The following AXIN1 variants were observed in gnomAD, a reference collection of about 807,000 sequenced individuals.
AXIN1 encodes axin 1, also known as axin-1.
In AXIN1, 30 loss-of-function variants were observed where a neutral mutation model predicts 76.4. That is an observed-to-expected ratio of 0.39 (90% CI 0.29 to 0.53). AXIN1 has a LOEUF of 0.53. AXIN1 is among the 20% of genes least tolerant of loss of function. AXIN1 has a pLI of 0.66. For missense variants in AXIN1, 1,140 were observed against 1,198.8 expected (o/e 0.95, Z 0.72); for synonymous variants, 545 against 501.4 (o/e 1.09, Z -1.16).
chr16:326,519 C>T (rs577613887), intron 2 of AXIN1, among the ~76,000 whole-genome samples: 80 of 150,702 alleles, frequency 5.3e-4, no homozygotes, highest in Admixed American at 3.3e-4. Flanking sequence ...GAGGCCAAGG[C>T]GGGCGGATCA....
intron 2 of AXIN1, among the ~76,000 whole-genome samples, chr16:318,482 C>T (rs76432475): frequency 0.024 from 3,633 of 152,288 alleles, 139 homozygotes; most frequent in African/African-American, 0.084. Context: ...AGGATCTGCC[C>T]TCAGCACTCA....
At chr16:289,079 C>CT (rs1242070094) in intron 10 of AXIN1, among the ~76,000 whole-genome samples, 2,186 of 137,538 alleles carry the variant, frequency 0.016, 68 homozygotes, top group African/African-American at 0.058. Context: ...AGCCCTTTTT[C>CT]TTCTTTTTTT....
rs544557159 is a variant in AXIN1 at position 293,636 on chromosome 16, G to A, written c.2038C>T (p.Arg680Trp). ...LEHPWAGPQL[R>W]TSVQPSHLFI... Reference sequence around the variant, plus strand: ...AGGTGGGAGGGCTGCACGGAGGTCCGGAGCTGAGGGCCGGCCCAGGGGTGC... The same window carrying A: ...AGGTGGGAGGGCTGCACGGAGGTCCAGAGCTGAGGGCCGGCCCAGGGGTGC... Residue 680 changes from arginine to tryptophan, a missense_variant, in exon 8 of 11, where the codon CGG (arginine) becomes TGG (tryptophan). Physicochemically the swap from Arg to Trp is moderately radical, Grantham distance 101. This residue lies in a region of AXIN1 where 429 missense variants were observed against 405.8 expected (regional missense o/e 1.06). Transcript: ENST00000262320. The surrounding 1 kb of genome is among the most constrained non-coding windows in gnomAD (Gnocchi z 4.6). 8.0e-5 allele frequency: 129 copies of A among 1,613,532 alleles called. 3 individuals carry two copies. The South Asian group carries it at 1.3e-3, about 16-fold the overall frequency.
At chr16:320,743 A>ATATATATATATTTTT (rs397722732) in intron 2 of AXIN1, among the ~76,000 whole-genome samples, 37 of 107,628 alleles carry the variant, frequency 3.4e-4, no homozygotes, top group African/African-American at 1.5e-3. Flanking sequence ...ATATATATAT[A>ATATATATATATTTTT]TTTTTTTTTT....
At chr16:289,291 G>C (rs379056) in intron 10 of AXIN1, 149 bp downstream of exon 10, 366,699 of 978,564 alleles carry the variant, frequency 0.37, 73,057 homozygotes, top group African/African-American at 0.65. Flanking sequence ...GTCTCGAACT[G>C]CTGAGCTGAG....
rs2052616972 is a variant in AXIN1, at chr16:293,222, C to A, written c.2186+266G>T. On this transcript the variant is annotated intron_variant, in intron 8 of 10. Coordinates refer to ENST00000262320, the MANE Select transcript of AXIN1 (RefSeq NM_003502.4). This position sits in a 1 kb window ranked among gnomAD's most constrained non-coding sequence, Gnocchi z 4.6. ...CTGCAGCCTCCCTGCAGACTGGGCTCAGGTTGAGGAGGGACCCCGCCTCCA... is the reference window on the plus strand; with the variant it reads ...CTGCAGCCTCCCTGCAGACTGGGCTAAGGTTGAGGAGGGACCCCGCCTCCA... 1.8e-6 allele frequency: 1 copy of A among 541,900 alleles called. No individual in the cohort carries two copies. Among genetic ancestry groups the A allele is most frequent in the Non-Finnish European group, 3.3e-6 (1 of 301,662 alleles). 33.6% of individuals were successfully genotyped at this position (541,900 alleles called of 1,614,324 possible).
intron 3 of AXIN1, among the ~76,000 whole-genome samples, chr16:310,625 C>T (rs1375646025): frequency 6.6e-6 from 1 of 152,234 alleles, no homozygotes; most frequent in Non-Finnish European, 1.5e-5. Context: ...TCTCGATCTC[C>T]TGACCTCGTG....
At chr16:350,649 C>G (rs541722675) in intron 1 of AXIN1, among the ~76,000 whole-genome samples, 1 of 152,324 alleles carries the variant, frequency 6.6e-6, no homozygotes. Context: ...CTTGAAGGTT[C>G]AGGGCTACTA....
At chr16:298,475 C>T (rs190156004) in intron 5 of AXIN1, among the ~76,000 whole-genome samples, 3,354 of 152,264 alleles carry the variant, frequency 0.022, 107 homozygotes, top group African/African-American at 0.077. Context: ...GCGTATGTAT[C>T]GGCTGTGGGC....
intron 8 of AXIN1, chr16:291,668 G>A (rs2052564884): frequency 5.5e-6 from 2 of 363,976 alleles, no homozygotes; most frequent in Admixed American, 7.9e-5. Flanking sequence ...CCCACCGATA[G>A]CGTGGACACT....
rs1277649811 is a variant in AXIN1 at position 297,719 on chromosome 16, C to T, written c.1784+3G>A. The T allele has an allele frequency of 6.3e-7, 1 of 1,596,244 alleles. No individual in the cohort carries two copies. The highest frequency in any genetic ancestry group is 1.7e-5 in the Admixed American group (1 of 59,226). On this transcript the variant is annotated splice_donor_region_variant and intron_variant, in intron 6 of 10. Transcript: ENST00000262320. Reference sequence around the variant, plus strand: ...CCCTCCTCACTGACAGGCGCACGCTCACCTGTGGGCGAGGCCATCACTGGC... The same window carrying T: ...CCCTCCTCACTGACAGGCGCACGCTTACCTGTGGGCGAGGCCATCACTGGC...
intron 5 of AXIN1, among the ~76,000 whole-genome samples, chr16:303,731 C>T (rs776051062): frequency 7.2e-5 from 11 of 152,278 alleles, no homozygotes; most frequent in South Asian, 4.1e-4. Flanking sequence ...TCTCACCCTT[C>T]GAATTGTCTG....
chr16:298,052 T>G lies in AXIN1; in HGVS notation c.1454A>C (p.Gln485Pro). The G allele has an allele frequency of 6.3e-7, 1 of 1,579,126 alleles. No individual in the cohort carries two copies. Among genetic ancestry groups the G allele is most frequent in the Non-Finnish European group, 8.6e-7 (1 of 1,168,108 alleles). The change falls in exon 6 of 11, where the codon CAG becomes CCG. Residue 485 changes from glutamine to proline, a missense_variant. Coordinates refer to ENST00000262320, the MANE Select transcript of AXIN1 (RefSeq NM_003502.4). ...GGAGCGATGGCCAGGCCCAGGCGAC[T>G]GGCGGCCAGGTGTCCTCAGCACACG... ...VQRVLRTPGR[Q>P]SPGPGHRSPD... is the part of the protein sequence containing the mutation.
In AXIN1 at chr16:288,059, C is replaced by G. The variant is rs2141458273; in HGVS notation, c.*63G>C. On this transcript the variant is annotated 3_prime_UTR_variant, in exon 11 of 11. Transcript: ENST00000262320. ...GGCTCCTGAGTACGAGGTCATCTGCCTGGCCGTGACACCCGTGCCCGCCAA... is the reference window on the plus strand; with the variant it reads ...GGCTCCTGAGTACGAGGTCATCTGCGTGGCCGTGACACCCGTGCCCGCCAA... 1 of 1,610,884 alleles carries G rather than the reference C, an allele frequency of 6.2e-7. No homozygotes were observed. Among genetic ancestry groups the G allele is most frequent in the Non-Finnish European group, 8.5e-7 (1 of 1,179,804 alleles).
chr16:313,567 G>A (rs1013264794), intron 3 of AXIN1, among the ~76,000 whole-genome samples: 4 of 152,212 alleles, frequency 2.6e-5, no homozygotes, highest in African/African-American at 9.6e-5. Flanking sequence ...CAATGCTGAG[G>A]CTGCTGCAGG....
intron 2 of AXIN1, among the ~76,000 whole-genome samples, chr16:334,782 G>C (rs890231083): frequency 2.3e-5 from 3 of 131,460 alleles, no homozygotes; most frequent in African/African-American, 8.6e-5. Flanking sequence ...AGCACCCAGT[G>C]CCACAGCATG....
chr16:337,770 A>C (rs1397656410), intron 2 of AXIN1, among the ~76,000 whole-genome samples: 1 of 152,262 alleles, frequency 6.6e-6, no homozygotes, highest in Non-Finnish European at 1.5e-5. Flanking sequence ...AACTCCGGAC[A>C]GGGCCCAGGG....
At position 297,696 on chromosome 16, in the gene AXIN1, C is replaced by G. The variant is rs185789621; in HGVS notation, c.1784+26G>C. ...GGGACACAGCCTCACCCCAAGCCCC[C>G]TCCTCACTGACAGGCGCACGCTCAC... On this transcript the variant is annotated intron_variant, in intron 6 of 10. Coordinates refer to ENST00000262320, the MANE Select transcript of AXIN1 (RefSeq NM_003502.4). 3.6e-3 allele frequency: 5,626 copies of G among 1,581,576 alleles called. 296 individuals are homozygous for G. The Admixed American group carries it at 0.085, about 24-fold the overall frequency.
At chr16:317,140 T>G (rs1029171076) in intron 2 of AXIN1, among the ~76,000 whole-genome samples, 2 of 152,122 alleles carry the variant, frequency 1.3e-5, no homozygotes, top group African/African-American at 4.8e-5. Context: ...CCAGTTCTAC[T>G]TACACCAGGA....
Sources: gnomAD v4.1 joint callset for allele counts (sites outside exome capture counted in the v4.1 genomes callset) on GRCh38, gnomAD v4.1.1 for gene constraint, gnomAD v4.1.1 regional missense constraint, Gnocchi (gnomAD v3.1) non-coding constraint, MANE v1.5 for transcripts, NCBI Gene and HGNC (gene_info 2026-07-23, HGNC 2026-07-21) for gene names.